The following UVRAG variants were observed in gnomAD, a reference collection of about 807,000 sequenced individuals.
UVRAG encodes the protein UV radiation resistance-associated gene protein.
In UVRAG, 19 loss-of-function variants were observed where a neutral mutation model predicts 78.0. The observed-to-expected ratio is 0.24, with a 90% CI of 0.17 to 0.36. UVRAG has a LOEUF of 0.36. Ranked by LOEUF, UVRAG falls within the 10% of genes least tolerant of loss-of-function variation. The pLI is 1.00. For missense variants in UVRAG, 740 were observed against 853.8 expected (o/e 0.87, Z 1.66); for synonymous variants, 323 against 324.6 (o/e 1.00, Z 0.05).
intron 1 of UVRAG, among the ~76,000 whole-genome samples, chr11:75,851,333 T>A (rs1946149220): frequency 6.6e-6 from 1 of 152,196 alleles, no homozygotes; most frequent in South Asian, 2.1e-4. Context: ...GAGAATCGAA[T>A]GGAAGCTCAC....
intron 8 of UVRAG, among the ~76,000 whole-genome samples, chr11:75,988,852 G>A (rs545851252): frequency 6.3e-4 from 96 of 152,150 alleles, no homozygotes; most frequent in African/African-American, 2.2e-3. Context: ...TCTGTTACCT[G>A]TTTCTTTCCT....
intron 1 of UVRAG, among the ~76,000 whole-genome samples, chr11:75,836,926 C>A (rs994489688): frequency 6.6e-6 from 1 of 152,098 alleles, no homozygotes; most frequent in African/African-American, 2.4e-5. Context: ...TGTAACAAGG[C>A]CCTCCCATTC....
At chr11:76,067,847 G>A (rs536852024) in intron 13 of UVRAG, among the ~76,000 whole-genome samples, 2 of 152,248 alleles carry the variant, frequency 1.3e-5, no homozygotes, top group Admixed American at 6.5e-5. Flanking sequence ...GGTGGAAAGA[G>A]CATGTAGATA....
intron 2 of UVRAG, 81 bp downstream of exon 2, chr11:75,852,081 C>A: frequency 1.0e-6 from 1 of 997,524 alleles, no homozygotes; most frequent in Non-Finnish European, 1.5e-6. Context: ...TCAGTGCCTC[C>A]TGCTTTTGTG....
chr11:75,998,823 G>C (rs1255884197), intron 8 of UVRAG, among the ~76,000 whole-genome samples: 1 of 152,178 alleles, frequency 6.6e-6, no homozygotes, highest in Non-Finnish European at 1.5e-5. Flanking sequence ...ACCTCTTTTG[G>C]ATATTCACAA....
At position 76,016,988 on chromosome 11, in the gene UVRAG, T is replaced by C. The variant is rs1274131011; in HGVS notation, c.1226+8T>C. The C allele has an allele frequency of 1.9e-6, 3 of 1,577,412 alleles. No homozygotes were observed. Among genetic ancestry groups the C allele is most frequent in the Admixed American group, 1.8e-5 (1 of 55,192 alleles). On this transcript the variant is annotated splice_region_variant and intron_variant, in intron 12 of 14. Coordinates refer to ENST00000356136, the MANE Select transcript of UVRAG (RefSeq NM_003369.4). ...GACGGAAAAGGAGAGAGAGTAAGTG[T>C]CTTTTTTTTAAAAAAATGATTTTAA...
chr11:76,075,155 A>G (rs1380094566), intron 13 of UVRAG, among the ~76,000 whole-genome samples: 1 of 152,212 alleles, frequency 6.6e-6, no homozygotes, highest in African/African-American at 2.4e-5. Context: ...GGAATCAAAA[A>G]TATAAATTCC....
At chr11:76,139,678 T>C (rs182875478) in intron 14 of UVRAG, among the ~76,000 whole-genome samples, 1 of 152,332 alleles carries the variant, frequency 6.6e-6, no homozygotes, top group African/African-American at 2.4e-5. Context: ...AGAGCTAGCA[T>C]AGTGTATAAC....
intron 13 of UVRAG, among the ~76,000 whole-genome samples, chr11:76,084,534 A>C (rs1951550467): frequency 6.6e-6 from 1 of 152,184 alleles, no homozygotes. Flanking sequence ...AATATATTTT[A>C]TATACTTTTT....
chr11:75,979,053 T>G (rs960741066), intron 7 of UVRAG, among the ~76,000 whole-genome samples: 3 of 152,198 alleles, frequency 2.0e-5, no homozygotes, highest in Non-Finnish European at 2.9e-5. Flanking sequence ...GATGGGGTTT[T>G]GGTGTGGATA....
intron 6 of UVRAG, among the ~76,000 whole-genome samples, chr11:75,961,057 G>A (rs1475728954): frequency 6.6e-6 from 1 of 150,816 alleles, no homozygotes; most frequent in East Asian, 2.0e-4. Context: ...ATACCTAGAA[G>A]TAATTGTCAC....
intron 12 of UVRAG, among the ~76,000 whole-genome samples, chr11:76,063,017 CT>C (rs1383156815): frequency 6.6e-6 from 1 of 152,132 alleles, no homozygotes; most frequent in Non-Finnish European, 1.5e-5. Context: ...ATCGCATTAG[CT>C]TTTTTGGTAG....
At chr11:75,866,204 G>A (rs1217038210) in intron 3 of UVRAG, among the ~76,000 whole-genome samples, 4 of 150,602 alleles carry the variant, frequency 2.7e-5, no homozygotes, top group African/African-American at 9.9e-5. Flanking sequence ...GTGACAGAGT[G>A]AGACCCTGTC....
rs537865262 is a variant in UVRAG at position 76,061,175 on chromosome 11, A to G, written c.1227-4535A>G. ...AGGGTTTGTGAATGCACCAGTCCAC[A>G]CTCTGTATCTAGCTACTCTGGTGGG... On this transcript the variant is annotated intron_variant, in intron 12 of 14. Transcript: ENST00000356136. Among the ~76,000 whole-genome samples the G allele has an allele frequency of 3.9e-5, 6 of 151,940 alleles. No individual in the cohort carries two copies. The South Asian group carries it at 6.2e-4, about 16-fold the overall frequency.
chr11:76,025,057 C>T (rs1365889985), intron 12 of UVRAG, among the ~76,000 whole-genome samples: 2 of 152,116 alleles, frequency 1.3e-5, no homozygotes, highest in Non-Finnish European at 2.9e-5. Flanking sequence ...GAGAAAAAGA[C>T]CGATTTCTTT....
chr11:75,911,964 A>G lies in UVRAG; in HGVS notation c.518A>G (p.Asn173Ser). ...GAPFEHKGYS[N>S]AQKTILLQVD... ...GTTAATGTCTTTCAGGGTTATTCAA[A>G]TGCTCAGAAGACTATTCTTCTGCAG... Residue 173 changes from asparagine to serine, a missense_variant, in exon 6 of 15, where the codon AAT becomes AGT. Coordinates refer to ENST00000356136, the MANE Select transcript of UVRAG (RefSeq NM_003369.4). 1.2e-6 allele frequency: 2 copies of G among 1,610,412 alleles called. No individual in the cohort carries two copies. The highest frequency in any genetic ancestry group is 1.7e-6 in the Non-Finnish European group (2 of 1,177,564).
At chr11:75,944,009 G>A (rs1948536503) in intron 6 of UVRAG, among the ~76,000 whole-genome samples, 1 of 152,096 alleles carries the variant, frequency 6.6e-6, no homozygotes, top group Non-Finnish European at 1.5e-5. Flanking sequence ...GAATTTATTA[G>A]GCATTTAAAG....
rs1375011507 is a variant in UVRAG at position 76,053,342 on chromosome 11, CAA to C, written c.1227-12364_1227-12363del. Among the ~76,000 whole-genome samples the C allele has an allele frequency of 6.7e-3, 1,006 of 150,268 alleles. 14 individuals are homozygous for C. Among genetic ancestry groups the C allele is most frequent in the African/African-American group, 0.022 (878 of 40,384 alleles). On this transcript the variant is annotated intron_variant, in intron 12 of 14. Transcript: ENST00000356136. The stretch of plus-strand genomic sequence containing the variant: ...ACACACACACACACACACACACACA[CAA>C]AAATAAATATGCACCTGCTCCTTCT...
intron 3 of UVRAG, among the ~76,000 whole-genome samples, chr11:75,874,691 T>C (rs1946726923): frequency 6.6e-6 from 1 of 152,250 alleles, no homozygotes; most frequent in Non-Finnish European, 1.5e-5. Flanking sequence ...ATAGTGACTG[T>C]CACTAGTAAG....
Sources: gnomAD v4.1 joint callset for allele counts (sites outside exome capture counted in the v4.1 genomes callset) on GRCh38, gnomAD v4.1.1 for gene constraint, MANE v1.5 for transcripts, NCBI Gene and HGNC (gene_info 2026-07-23, HGNC 2026-07-21) for gene names.